Variants in ACTR3B observed in about 807,000 individuals in gnomAD.
The protein encoded by ACTR3B is actin-related protein 3B.
ACTR3B carries 8 observed loss-of-function variants against 59.0 expected under a neutral mutation model. The observed-to-expected ratio is 0.14, with a 90% CI of 0.08 to 0.24. The LOEUF is 0.24. Ranked by LOEUF, ACTR3B falls within the 10% of genes least tolerant of loss-of-function variation. The pLI, the probability that ACTR3B is intolerant of heterozygous loss-of-function variation, is 1.00. For synonymous variants in ACTR3B, 148 were observed against 197.9 expected (o/e 0.75, Z 2.12); for missense variants, 245 against 552.3 (o/e 0.44, Z 5.58).
rs760544292 is a variant in ACTR3B, at chr7:152,854,506, G to A, written c.1210G>A (p.Gly404Arg). Residue 404 changes from glycine to arginine, a missense_variant, in exon 12 of 12, where the codon GGG becomes AGG. Around this residue, in one of 7 missense-constraint regions of ACTR3B, gnomAD observed 153 missense variants for 266.2 expected, o/e 0.57. Coordinates refer to ENST00000256001, the MANE Select transcript of ACTR3B (RefSeq NM_020445.6). The surrounding 1 kb of genome is among the most constrained non-coding windows in gnomAD (Gnocchi z 4.9). The stretch of plus-strand genomic sequence containing the variant: ...CACCAAGAAGGACTATGAAGAGTAC[G>A]GGCCCAGCATCTGCCGCCACAACCC... ...CHTKKDYEEYGPSICRHNPVF... is the reference protein window; with the variant it reads ...CHTKKDYEEYRPSICRHNPVF... 3.1e-6 allele frequency: 5 copies of A among 1,614,020 alleles called. No individual in the cohort carries two copies. Among genetic ancestry groups the A allele is most frequent in the African/African-American group, 1.3e-5 (1 of 74,920 alleles).
At chr7:152,779,996 T>G (rs181154418) in intron 1 of ACTR3B, among the ~76,000 whole-genome samples, 4,490 of 152,308 alleles carry the variant, frequency 0.029, 97 homozygotes, top group Middle Eastern at 0.099. Flanking sequence ...CTTTTGCCAG[T>G]GTTTTTAAAA....
intron 6 of ACTR3B, among the ~76,000 whole-genome samples, chr7:152,819,042 G>T (rs939362706): frequency 2.6e-5 from 4 of 152,128 alleles, no homozygotes; most frequent in Non-Finnish European, 5.9e-5. Flanking sequence ...AAAATGTTAC[G>T]TGTAATGCAT....
chr7:152,801,228 C>T (rs1223258553), intron 3 of ACTR3B, among the ~76,000 whole-genome samples: 1 of 152,244 alleles, frequency 6.6e-6, no homozygotes, highest in Non-Finnish European at 1.5e-5. Flanking sequence ...TACAGGCACG[C>T]ACCACCAAGC....
At chr7:152,767,297 G>A (rs1359040920) in intron 1 of ACTR3B, among the ~76,000 whole-genome samples, 1 of 152,088 alleles carries the variant, frequency 6.6e-6, no homozygotes, top group Non-Finnish European at 1.5e-5. Context: ...TGCTGCATTT[G>A]TCTATGCAAT....
chr7:152,807,473 A>G (rs1194808816), intron 4 of ACTR3B, among the ~76,000 whole-genome samples: 2 of 151,902 alleles, frequency 1.3e-5, no homozygotes, highest in Non-Finnish European at 2.9e-5. Flanking sequence ...ATAAGAAATA[A>G]TGTAATCTTT....
At chr7:152,778,943 C>CAAAAA (rs59789390) in intron 1 of ACTR3B, among the ~76,000 whole-genome samples, 9 of 36,826 alleles carry the variant, frequency 2.4e-4, no homozygotes, top group Non-Finnish European at 3.1e-4. Context: ...ACTGTGTCTC[C>CAAAAA]AAAAAAAAAA....
At chr7:152,817,367 C>T (rs1200582892) in intron 6 of ACTR3B, among the ~76,000 whole-genome samples, 2 of 150,622 alleles carry the variant, frequency 1.3e-5, no homozygotes, top group Admixed American at 6.6e-5. Context: ...GCAACAAGAG[C>T]GAAACTCCGT....
Position 152,852,240 on chromosome 7 carries a change from G to T in ACTR3B, c.1066G>T (p.Gly356Trp). The T allele has an allele frequency of 3.1e-6, 5 of 1,613,284 alleles. No homozygotes were observed. Among genetic ancestry groups the T allele is most frequent in the Non-Finnish European group, 3.4e-6 (4 of 1,179,860 alleles). Residue 356 changes from glycine to tryptophan, a missense_variant, in exon 10 of 12, where the codon GGG (glycine) becomes TGG (tryptophan). This residue lies in a region of ACTR3B where 153 missense variants were observed against 266.2 expected (regional missense o/e 0.57). Coordinates refer to ENST00000256001, the MANE Select transcript of ACTR3B (RefSeq NM_020445.6). Reference sequence around the variant, plus strand: ...GAGGCTCAGCGAGGAGCTCAGCGGCGGGAGGATCAAGGTAGGAGCCAGAGG... The same window carrying T: ...GAGGCTCAGCGAGGAGCTCAGCGGCTGGAGGATCAAGGTAGGAGCCAGAGG... ...RLRLSEELSG[G>W]RIKPKPVEVQ...
chr7:152,823,224 G>T, intron 7 of ACTR3B, 118 bp from the exon 8 acceptor site: 3 of 1,397,610 alleles, frequency 2.1e-6, no homozygotes, highest in Middle Eastern at 2.6e-4. Flanking sequence ...CTAGAGTTAC[G>T]GTGGGGGCGG....
intron 1 of ACTR3B, among the ~76,000 whole-genome samples, chr7:152,775,989 G>A (rs1193751514): frequency 1.3e-5 from 2 of 151,892 alleles, no homozygotes; most frequent in Non-Finnish European, 2.9e-5. Context: ...GATTGGGTCT[G>A]CTTCCATAGC....
intron 4 of ACTR3B, among the ~76,000 whole-genome samples, chr7:152,807,439 A>G (rs2098255734): frequency 6.6e-6 from 1 of 151,504 alleles, no homozygotes; most frequent in African/African-American, 2.4e-5. Context: ...CAGTTCCACT[A>G]TTTTTAGTCA....
intron 2 of ACTR3B, among the ~76,000 whole-genome samples, chr7:152,784,986 G>A (rs2098166866): frequency 6.6e-6 from 1 of 152,090 alleles, no homozygotes; most frequent in African/African-American, 2.4e-5. Context: ...TCAGTCTTTT[G>A]TGAATTTCAT....
chr7:152,846,366 CG>C (rs1798284038), intron 9 of ACTR3B, among the ~76,000 whole-genome samples: 1 of 142,560 alleles, frequency 7.0e-6, no homozygotes, highest in African/African-American at 2.6e-5. Flanking sequence ...CTCTAGTGCC[CG>C]GGCTGTAGTC....
chr7:152,826,107 T>G lies in ACTR3B; in HGVS notation c.951+985T>G, dbSNP rs369682448. Among the ~76,000 whole-genome samples, 3 of 152,098 alleles carry G rather than the reference T, an allele frequency of 2.0e-5. No homozygotes were observed. The East Asian group carries it at 5.8e-4, about 29-fold the overall frequency. On this transcript the variant is annotated intron_variant, in intron 9 of 11. Transcript: ENST00000256001. ...TCGCTGAATTGTACAGAGAAGAGAA[T>G]CAGGCTCAACTGACAGCACTCAGCA...
chr7:152,847,926 G>C (rs1000574185), intron 9 of ACTR3B, among the ~76,000 whole-genome samples: 2 of 152,164 alleles, frequency 1.3e-5, no homozygotes, highest in East Asian at 3.9e-4. Context: ...TCTTCTAATG[G>C]CTCGCGGTGC....
Position 152,854,789 on chromosome 7 carries a change from CCT to C in ACTR3B, c.*238_*239del. 1 of 468,018 alleles carries C rather than the reference CCT, an allele frequency of 2.1e-6. No individual in the cohort carries two copies. Among genetic ancestry groups the C allele is most frequent in the Non-Finnish European group, 3.8e-6 (1 of 261,022 alleles). The allele number at this position is 468,018 out of a possible 1,614,324, so 29.0% of individuals were successfully genotyped here. On this transcript the variant is annotated 3_prime_UTR_variant, in exon 12 of 12. Coordinates refer to ENST00000256001, the MANE Select transcript of ACTR3B (RefSeq NM_020445.6). The surrounding 1 kb of genome is among the most constrained non-coding windows in gnomAD (Gnocchi z 4.9). ...CGCCCTCCTCACCCTCGCTCTCCCT[CCT>C]CCTCCTCCTCCGAGCTGCTAGCTGA...
chr7:152,765,519 G>T (rs1031465160), intron 1 of ACTR3B, among the ~76,000 whole-genome samples: 1 of 151,336 alleles, frequency 6.6e-6, no homozygotes, highest in Admixed American at 6.6e-5. Context: ...TCAGGAGAAC[G>T]GCCCAGTTCT....
intron 5 of ACTR3B, among the ~76,000 whole-genome samples, 167 bp downstream of exon 5, chr7:152,814,812 G>A (rs1348566705): frequency 1.3e-5 from 2 of 152,098 alleles, no homozygotes; most frequent in Admixed American, 1.3e-4. Flanking sequence ...CGTGTCCCAT[G>A]ACTTTTCTTT....
chr7:152,830,008 G>A (rs1796901253), intron 9 of ACTR3B, among the ~76,000 whole-genome samples: 1 of 152,144 alleles, frequency 6.6e-6, no homozygotes, highest in South Asian at 2.1e-4. Context: ...CTAAAAATAC[G>A]GAAATAACTC....
Sources: gnomAD v4.1 joint callset for allele counts (sites outside exome capture counted in the v4.1 genomes callset) on GRCh38, gnomAD v4.1.1 for gene constraint, gnomAD v4.1.1 regional missense constraint, Gnocchi (gnomAD v3.1) non-coding constraint, MANE v1.5 for transcripts, NCBI Gene and HGNC (gene_info 2026-07-23, HGNC 2026-07-21) for gene names.